Variants in DGKB observed in about 807,000 individuals in gnomAD.
The protein encoded by DGKB is diacylglycerol kinase beta.
DGKB carries 67 observed loss-of-function variants against 114.3 expected under a neutral mutation model. The ratio of observed to expected loss-of-function variants is 0.59; its 90% CI spans 0.48 to 0.72. The LOEUF is 0.72. DGKB is among the 30% of genes least tolerant of loss of function. The pLI is 0.00. For missense variants in DGKB, 907 were observed against 975.2 expected (o/e 0.93, Z 0.93); for synonymous variants, 398 against 323.1 (o/e 1.23, Z -2.49).
intron 21 of DGKB, among the ~76,000 whole-genome samples, chr7:14,464,429 CA>C (rs1050802798): frequency 6.6e-6 from 1 of 151,830 alleles, no homozygotes; most frequent in African/African-American, 2.4e-5. Context: ...AGTAAGTAAA[CA>C]AAATATTAAA....
chr7:14,312,404 G>A (rs1441826235), intron 23 of DGKB, among the ~76,000 whole-genome samples: 1 of 152,148 alleles, frequency 6.6e-6, no homozygotes, highest in African/African-American at 2.4e-5. Context: ...AAAATTGCTG[G>A]ATCTTTAGCA....
chr7:14,961,580 T>G (rs1786845602), intron 1 of DGKB, among the ~76,000 whole-genome samples: 1 of 152,144 alleles, frequency 6.6e-6, no homozygotes, highest in Non-Finnish European at 1.5e-5. Context: ...CAGCTCCTTC[T>G]GTTTCATCAC....
chr7:14,861,887 C>T (rs1851031974), intron 1 of DGKB, among the ~76,000 whole-genome samples: 1 of 151,890 alleles, frequency 6.6e-6, no homozygotes, highest in African/African-American at 2.4e-5. Context: ...GAGCTGCTTG[C>T]AAGATTTGTT....
chr7:14,854,957 T>A (rs1849911222), intron 1 of DGKB, among the ~76,000 whole-genome samples: 1 of 152,152 alleles, frequency 6.6e-6, no homozygotes, highest in Non-Finnish European at 1.5e-5. Context: ...AATAATTGCA[T>A]GATGAGATGT....
At chr7:14,953,526 T>C (rs36894) in intron 1 of DGKB, among the ~76,000 whole-genome samples, 85,583 of 151,898 alleles carry the variant, frequency 0.56, 26,612 homozygotes, top group East Asian at 0.91. Context: ...ACGAGGATGA[T>C]TATAATAAAG....
At chr7:14,881,889 A>C (rs575508350) in intron 1 of DGKB, among the ~76,000 whole-genome samples, 1 of 152,204 alleles carries the variant, frequency 6.6e-6, no homozygotes, top group East Asian at 1.9e-4. Context: ...CCACTCTAGT[A>C]ACTTTTGGCA....
chr7:14,692,542 A>AAT (rs2128992107), intron 9 of DGKB, among the ~76,000 whole-genome samples: 1 of 152,134 alleles, frequency 6.6e-6, no homozygotes, highest in Admixed American at 6.5e-5. Flanking sequence ...AAGGTACATG[A>AAT]ACAATTAAAT....
rs1214880920 is a variant in DGKB at position 14,699,905 on chromosome 7, A to G, written c.517-1736T>C. Among the ~76,000 whole-genome samples, 8 of 151,946 alleles carry G rather than the reference A, an allele frequency of 5.3e-5. No homozygotes were observed. In the South Asian group the frequency reaches 1.4e-3, roughly 28 times the overall value. On this transcript the variant is annotated intron_variant, in intron 7 of 25. Transcript: ENST00000402815. The stretch of plus-strand genomic sequence containing the variant: ...GCTAACAAAAAATGGGCAGAGACAA[A>G]AAAAAAAAGGACTATTTGACTGAAT...
At chr7:14,446,171 T>C (rs1166590548) in intron 21 of DGKB, among the ~76,000 whole-genome samples, 1 of 152,048 alleles carries the variant, frequency 6.6e-6, no homozygotes, top group East Asian at 1.9e-4. Flanking sequence ...ATTTGTCCTC[T>C]AAAAGACTTA....
chr7:14,388,109 C>A (rs1820721041), intron 21 of DGKB, among the ~76,000 whole-genome samples: 1 of 151,204 alleles, frequency 6.6e-6, no homozygotes, highest in East Asian at 1.9e-4. Context: ...GAACTCCTGA[C>A]CTTGTGATCC....
intron 23 of DGKB, among the ~76,000 whole-genome samples, chr7:14,297,170 A>T (rs1802731380): frequency 6.6e-6 from 1 of 152,180 alleles, no homozygotes; most frequent in African/African-American, 2.4e-5. Flanking sequence ...ATTCCTAACA[A>T]TAGCAAAAGA....
chr7:14,911,405 T>C (rs1470090677), intron 1 of DGKB, among the ~76,000 whole-genome samples: 1 of 152,068 alleles, frequency 6.6e-6, no homozygotes, highest in East Asian at 1.9e-4. Context: ...TAATTAATTA[T>C]ACAGTATATT....
At chr7:14,638,045 A>G (rs1447581628) in intron 13 of DGKB, among the ~76,000 whole-genome samples, 1 of 152,136 alleles carries the variant, frequency 6.6e-6, no homozygotes, top group African/African-American at 2.4e-5. Flanking sequence ...CTTAAATTAT[A>G]TTTAAAAATC....
chr7:14,257,766 GCCC>G (rs1796155273), intron 23 of DGKB, among the ~76,000 whole-genome samples: 1 of 152,054 alleles, frequency 6.6e-6, no homozygotes, highest in Non-Finnish European at 1.5e-5. Context: ...GGCTCTTGTT[GCCC>G]AGGCTGGAGT....
chr7:14,550,287 T>C (rs1584750040), intron 20 of DGKB, among the ~76,000 whole-genome samples: 1 of 141,238 alleles, frequency 7.1e-6, no homozygotes, highest in African/African-American at 2.6e-5. Context: ...TAGTGTGACT[T>C]ACTTAATAAA....
intron 23 of DGKB, among the ~76,000 whole-genome samples, chr7:14,274,898 A>C (rs781236250): frequency 3.0e-4 from 46 of 151,614 alleles, no homozygotes; most frequent in Non-Finnish European, 4.9e-4. Context: ...GAGGATTAGA[A>C]GGTCAAATAT....
At chr7:14,165,843 C>CA (rs1444786562) in intron 25 of DGKB, among the ~76,000 whole-genome samples, 1 of 152,138 alleles carries the variant, frequency 6.6e-6, no homozygotes, top group Non-Finnish European at 1.5e-5. Flanking sequence ...TAAAGAAAGC[C>CA]AAAATATAAA....
chr7:14,790,838 CA>C lies in DGKB; in HGVS notation c.71-33108del, dbSNP rs976429689. Among the ~76,000 whole-genome samples the C allele has an allele frequency of 5.9e-5, 9 of 151,582 alleles. No individual in the cohort carries two copies. In the East Asian group the frequency reaches 1.7e-3, roughly 29 times the overall value. On this transcript the variant is annotated intron_variant, in intron 2 of 25. Transcript: ENST00000402815. ...TTTAAATAAACTTGTCTATATCTGC[CA>C]AAAAAAATTCCTGGCATTTTGATTA...
intron 21 of DGKB, among the ~76,000 whole-genome samples, chr7:14,416,317 C>A (rs1433529550): frequency 6.6e-6 from 1 of 151,960 alleles, no homozygotes; most frequent in Non-Finnish European, 1.5e-5. Flanking sequence ...ATCAGGATAA[C>A]TTCTGAAATT....
Sources: allele counts gnomAD v4.1 joint callset (sites outside exome capture counted in the v4.1 genomes callset), GRCh38; gene constraint gnomAD v4.1.1; transcripts MANE v1.5; gene names NCBI Gene and HGNC (gene_info 2026-07-23, HGNC 2026-07-21).